ZSCAN25: variants seen among roughly 807,000 people sequenced by gnomAD.
ZSCAN25 encodes the protein zinc finger and SCAN domain containing 25, also known as zinc finger and SCAN domain-containing protein 25.
Under a neutral mutation model 38.7 loss-of-function variants are expected in ZSCAN25, and 27 were observed. The ratio of observed to expected loss-of-function variants is 0.70; its 90% CI spans 0.51 to 0.96. The LOEUF is 0.96. ZSCAN25 is among the 40% of genes least tolerant of loss of function. The pLI is 0.00. For missense variants in ZSCAN25, 637 were observed against 705.9 expected (o/e 0.90, Z 1.11); for synonymous variants, 273 against 277.7 (o/e 0.98, Z 0.17).
At chr7:99,668,785 G>C in the ZSCAN25 span, among the ~76,000 whole-genome samples, 2 of 152,214 alleles carry the variant, frequency 1.3e-5, no homozygotes, top group Non-Finnish European at 2.9e-5. Context: ...GTCGCCATTT[G>C]TACGCATGTG....
At chr7:99,679,197 AG>A in the ZSCAN25 span, among the ~76,000 whole-genome samples, 1 of 152,158 alleles carries the variant, frequency 6.6e-6, no homozygotes, top group Non-Finnish European at 1.5e-5. Context: ...TGTGTATGAC[AG>A]GGTGGAGGAG....
chr7:99,622,303 C>T (rs149589516), intron 5 of ZSCAN25: 37 of 536,352 alleles, frequency 6.9e-5, no homozygotes, highest in African/African-American at 4.6e-4. Context: ...TAGCCCTGGA[C>T]GGACAGGGCC....
downstream of ZSCAN25, among the ~76,000 whole-genome samples, chr7:99,636,765 A>G (rs1178590886): frequency 1.3e-5 from 2 of 152,258 alleles, no homozygotes; most frequent in African/African-American, 2.4e-5. Context: ...AGTGGTTGCA[A>G]TCCAGTTACT....
chr7:99,724,156 C>T, the ZSCAN25 span, among the ~76,000 whole-genome samples: 1 of 152,164 alleles, frequency 6.6e-6, no homozygotes, highest in African/African-American at 2.4e-5. Flanking sequence ...TATGGGCAAC[C>T]TTCCAGCCTC....
At chr7:99,668,547 A>G in the ZSCAN25 span, among the ~76,000 whole-genome samples, 57 of 152,350 alleles carry the variant, frequency 3.7e-4, no homozygotes, top group Admixed American at 5.9e-4. Context: ...GTAGACAACA[A>G]TGGAATGGAA....
the ZSCAN25 span, among the ~76,000 whole-genome samples, chr7:99,689,646 TTA>T: frequency 6.6e-6 from 1 of 152,140 alleles, no homozygotes; most frequent in Non-Finnish European, 1.5e-5. Flanking sequence ...ACAAGCATTC[TTA>T]TACACCAATA....
the ZSCAN25 span, among the ~76,000 whole-genome samples, chr7:99,710,499 G>A: frequency 6.6e-6 from 1 of 152,260 alleles, no homozygotes; most frequent in East Asian, 1.9e-4. Flanking sequence ...GCATTATTGT[G>A]GTAACAGAAA....
the ZSCAN25 span, chr7:99,711,041 G>A: frequency 3.7e-6 from 5 of 1,338,490 alleles, no homozygotes; most frequent in Non-Finnish European, 5.1e-6. Flanking sequence ...GTTTCACTCT[G>A]ATGTGTGTCT....
the ZSCAN25 span, chr7:99,720,573 G>C: frequency 1.3e-6 from 1 of 746,740 alleles, no homozygotes; most frequent in East Asian, 2.9e-5. Flanking sequence ...CTCACAGCAA[G>C]AGTCTGACAC....
rs1808021807 is a variant in ZSCAN25 at position 99,631,826 on chromosome 7, A to G, written c.*1806A>G. 4 of 985,430 alleles carry G rather than the reference A, an allele frequency of 4.1e-6. No individual in the cohort carries two copies. Among genetic ancestry groups the G allele is most frequent in the South Asian group, 9.4e-5 (2 of 21,290 alleles). 61.0% of individuals were successfully genotyped at this position (985,430 alleles called of 1,614,324 possible). A position where few individuals can be genotyped will look rare whatever the true frequency, so the allele number is the denominator to read the frequency against. On this transcript the variant is annotated 3_prime_UTR_variant, in exon 8 of 8. Coordinates refer to ENST00000394152, the MANE Select transcript of ZSCAN25 (RefSeq NM_145115.3). Reference sequence around the variant, plus strand: ...GCTGCACTGACTGGGTCGTAAATGTATCTGAGATGTCCACACGGGGCTGCT... The same window carrying G: ...GCTGCACTGACTGGGTCGTAAATGTGTCTGAGATGTCCACACGGGGCTGCT...
At chr7:99,719,437 G>A in the ZSCAN25 span, among the ~76,000 whole-genome samples, 5 of 152,110 alleles carry the variant, frequency 3.3e-5, no homozygotes, top group Admixed American at 2.0e-4. Flanking sequence ...AAAAATGAAC[G>A]TTGATCTAAA....
chr7:99,728,669 C>G, the ZSCAN25 span, among the ~76,000 whole-genome samples: 1 of 152,158 alleles, frequency 6.6e-6, no homozygotes, highest in African/African-American at 2.4e-5. Context: ...TGAAAAAATT[C>G]AATTTGCAAA....
At chr7:99,659,515 G>C in the ZSCAN25 span, 3 of 154,668 alleles carry the variant, frequency 1.9e-5, no homozygotes, top group Admixed American at 6.5e-5. Flanking sequence ...TAGGCTGCTC[G>C]GGGGTCAGGG....
At chr7:99,623,211 TCTG>T (rs373364924) in intron 6 of ZSCAN25, among the ~76,000 whole-genome samples, 7 of 152,306 alleles carry the variant, frequency 4.6e-5, no homozygotes, top group African/African-American at 1.7e-4. Context: ...TATGGGTACT[TCTG>T]CTGCTGATTT....
the ZSCAN25 span, among the ~76,000 whole-genome samples, chr7:99,644,970 C>T: frequency 1.2e-4 from 19 of 152,196 alleles, no homozygotes; most frequent in East Asian, 2.5e-3. Context: ...TTGAGGAGGA[C>T]GATCAAGCCT....
chr7:99,697,412 T>A, the ZSCAN25 span, among the ~76,000 whole-genome samples: 1 of 152,292 alleles, frequency 6.6e-6, no homozygotes, highest in Non-Finnish European at 1.5e-5. Context: ...AATCTGCTAG[T>A]CCCACAAGGT....
the ZSCAN25 span, among the ~76,000 whole-genome samples, chr7:99,666,266 T>C: frequency 1.1e-4 from 16 of 152,234 alleles, no homozygotes; most frequent in African/African-American, 2.9e-4. Flanking sequence ...AAATGCTTGC[T>C]TACCCACAGT....
At chr7:99,650,206 T>G in the ZSCAN25 span, 8 of 1,614,030 alleles carry the variant, frequency 5.0e-6, no homozygotes, top group Non-Finnish European at 6.8e-6. Flanking sequence ...TATGTAAGGA[T>G]CTATGCTGTC....
At chr7:99,639,422 C>A in the ZSCAN25 span, among the ~76,000 whole-genome samples, 1 of 152,118 alleles carries the variant, frequency 6.6e-6, no homozygotes, top group Non-Finnish European at 1.5e-5. Flanking sequence ...AGGGCAGGGG[C>A]CTGCAATTCT....
Sources: allele counts gnomAD v4.1 joint callset (sites outside exome capture counted in the v4.1 genomes callset), GRCh38; gene constraint gnomAD v4.1.1; transcripts MANE v1.5; gene names NCBI Gene and HGNC (gene_info 2026-07-23, HGNC 2026-07-21).